Variants in PTPRD observed in about 807,000 individuals in gnomAD.
PTPRD encodes the protein receptor-type tyrosine-protein phosphatase delta.
In PTPRD, 34 loss-of-function variants were observed where a neutral mutation model predicts 214.5. The ratio of observed to expected loss-of-function variants is 0.16; its 90% CI spans 0.12 to 0.21. The LOEUF (loss-of-function observed/expected upper bound fraction) is 0.21, where lower values mean the gene tolerates loss of function less well. Ranked by LOEUF, PTPRD falls within the 10% of genes least tolerant of loss-of-function variation. PTPRD has a pLI of 1.00. For missense variants in PTPRD, 2,545 were observed against 2,398.7 expected, an observed-to-expected ratio of 1.06 and a Z score of -1.27; for synonymous variants, 1,128 against 845.7, an observed-to-expected ratio of 1.33 and a Z score of -5.79.
chr9:9,850,392 G>C (rs1341611778), intron 5 of PTPRD, among the ~76,000 whole-genome samples: 2 of 151,952 alleles, frequency 1.3e-5, no homozygotes, highest in African/African-American at 2.4e-5. Context: ...TATTGTCCTG[G>C]TTTTCTACTT....
At position 9,648,221 on chromosome 9, in the gene PTPRD, T is replaced by TAA. The variant is rs111512866; in HGVS notation, c.-286-73442_-286-73441dup. Among the ~76,000 whole-genome samples, 77 of 147,886 alleles carry TAA rather than the reference T, an allele frequency of 5.2e-4. 3 individuals are homozygous for TAA. Among genetic ancestry groups the TAA allele is most frequent in the Non-Finnish European group, 2.1e-4 (14 of 66,710 alleles). ...TATGTATAAATCTTATATAGCCTAT[T>TAA]AAAAAAAAAACACTAAAGTGTATAT... is the stretch of plus-strand genomic sequence containing the variant. On this transcript the variant is annotated intron_variant, in intron 7 of 45. Transcript: ENST00000381196.
chr9:9,037,565 T>C (rs2099625928), intron 10 of PTPRD, among the ~76,000 whole-genome samples: 1 of 152,150 alleles, frequency 6.6e-6, no homozygotes, highest in South Asian at 2.1e-4. Flanking sequence ...TCTCAACCGC[T>C]AATTGAACTC....
At chr9:8,470,442 GCT>G (rs982157017) in intron 31 of PTPRD, among the ~76,000 whole-genome samples, 1 of 152,010 alleles carries the variant, frequency 6.6e-6, no homozygotes, top group African/African-American at 2.4e-5. Context: ...ATTCTGCTTT[GCT>G]CACAATTTTG....
intron 11 of PTPRD, among the ~76,000 whole-genome samples, chr9:8,878,789 A>G (rs1204752708): frequency 6.6e-6 from 1 of 152,088 alleles, no homozygotes; most frequent in Non-Finnish European, 1.5e-5. Flanking sequence ...TGGCCTCCCA[A>G]AGTTATTGGG....
At chr9:10,573,215 C>A (rs73642017) in intron 2 of PTPRD, among the ~76,000 whole-genome samples, 11,884 of 152,164 alleles carry the variant, frequency 0.078, 531 homozygotes, top group Middle Eastern at 0.14. Context: ...AAGAATTAAT[C>A]TTATTTTATA....
intron 11 of PTPRD, among the ~76,000 whole-genome samples, chr9:8,941,643 A>G (rs2099034492): frequency 6.6e-6 from 1 of 152,180 alleles, no homozygotes; most frequent in African/African-American, 2.4e-5. Flanking sequence ...AAATAAAAAT[A>G]TTATATTTCA....
At chr9:9,971,664 G>C (rs978279003) in intron 4 of PTPRD, among the ~76,000 whole-genome samples, 3 of 152,122 alleles carry the variant, frequency 2.0e-5, no homozygotes, top group African/African-American at 7.2e-5. Context: ...CTTTGACAAG[G>C]ATCTTTGCAC....
intron 39 of PTPRD, among the ~76,000 whole-genome samples, chr9:8,351,407 T>A (rs79080900): frequency 8.4e-6 from 1 of 119,104 alleles, no homozygotes; most frequent in Non-Finnish European, 1.8e-5. Flanking sequence ...TTTTTGTAGC[T>A]TTTTTTTTTA....
chr9:10,312,120 C>A (rs889374143), intron 3 of PTPRD, among the ~76,000 whole-genome samples: 4 of 151,842 alleles, frequency 2.6e-5, no homozygotes, highest in African/African-American at 4.8e-5. Context: ...GGAATATAGT[C>A]AGTAGTCAGA....
At chr9:9,663,098 ATGTG>A (rs1239343057) in intron 7 of PTPRD, among the ~76,000 whole-genome samples, 6 of 151,650 alleles carry the variant, frequency 4.0e-5, no homozygotes, top group Middle Eastern at 3.4e-3. Flanking sequence ...ACAAGCTGTT[ATGTG>A]TGTGTTTATA....
intron 10 of PTPRD, among the ~76,000 whole-genome samples, chr9:9,114,441 C>A (rs1236468107): frequency 1.3e-5 from 2 of 152,126 alleles, no homozygotes; most frequent in East Asian, 3.9e-4. Context: ...TCAGTGGGAT[C>A]ATTTGGTCCT....
chr9:9,412,427 G>A (rs957959623), intron 8 of PTPRD, among the ~76,000 whole-genome samples: 5 of 151,974 alleles, frequency 3.3e-5, no homozygotes, highest in African/African-American at 1.2e-4. Flanking sequence ...TGCCTTCCCA[G>A]CATGCAGCCC....
chr9:10,221,437 C>T (rs2099570811), intron 3 of PTPRD, among the ~76,000 whole-genome samples: 1 of 151,890 alleles, frequency 6.6e-6, no homozygotes, highest in Non-Finnish European at 1.5e-5. Context: ...TTTTAAGCTT[C>T]CAACTTTCAT....
chr9:9,020,575 G>C (rs996211112), intron 10 of PTPRD, among the ~76,000 whole-genome samples: 1 of 152,110 alleles, frequency 6.6e-6, no homozygotes, highest in Non-Finnish European at 1.5e-5. Flanking sequence ...CTGAGTGCAC[G>C]TGCTGCCATT....
At chr9:10,362,685 G>T (rs1405172793) in intron 2 of PTPRD, among the ~76,000 whole-genome samples, 155 of 151,866 alleles carry the variant, frequency 1.0e-3, no homozygotes, top group Non-Finnish European at 7.4e-4. Flanking sequence ...ATCGAGACCA[G>T]CCTGGCCAAC....
intron 5 of PTPRD, among the ~76,000 whole-genome samples, chr9:9,872,544 T>G (rs899835161): frequency 4.6e-5 from 7 of 152,168 alleles, no homozygotes; most frequent in African/African-American, 1.7e-4. Flanking sequence ...GAGGCTATAG[T>G]GAGTCACTGT....
intron 35 of PTPRD, among the ~76,000 whole-genome samples, chr9:8,431,940 T>A (rs2095083634): frequency 6.6e-6 from 1 of 152,246 alleles, no homozygotes; most frequent in South Asian, 2.1e-4. Context: ...AGAATTTGGC[T>A]GTGAATCTGT....
chr9:8,573,679 T>TA (rs1489614387), intron 14 of PTPRD, among the ~76,000 whole-genome samples: 8 of 151,940 alleles, frequency 5.3e-5, no homozygotes, highest in African/African-American at 1.9e-4. Context: ...ATAAAAATGA[T>TA]AAAAAATATT....
intron 2 of PTPRD, among the ~76,000 whole-genome samples, chr9:10,497,640 T>C (rs370941214): frequency 1.8e-4 from 27 of 152,162 alleles, no homozygotes; most frequent in Non-Finnish European, 2.4e-4. Flanking sequence ...ATAAATGCAA[T>C]GGCGGATATG....
Sources: allele counts gnomAD v4.1 joint callset (sites outside exome capture counted in the v4.1 genomes callset), GRCh38; gene constraint gnomAD v4.1.1; transcripts MANE v1.5; gene names NCBI Gene and HGNC (gene_info 2026-07-23, HGNC 2026-07-21).